Variants in CACNG2 observed in about 807,000 individuals in gnomAD.
CACNG2 encodes voltage-dependent calcium channel gamma-2 subunit.
CACNG2 carries 3 observed loss-of-function variants against 25.9 expected under a neutral mutation model. That is an observed-to-expected ratio of 0.12 (90% CI 0.05 to 0.30). The LOEUF is 0.30. Ranked by LOEUF, CACNG2 falls within the 10% of genes least tolerant of loss-of-function variation. CACNG2 has a pLI of 1.00. For missense variants in CACNG2, 341 were observed against 432.5 expected, an observed-to-expected ratio of 0.79 and a Z score of 1.88; for synonymous variants, 167 against 173.3, an observed-to-expected ratio of 0.96 and a Z score of 0.29.
At chr22:36,680,447 T>C (rs1427405462) in intron 1 of CACNG2, among the ~76,000 whole-genome samples, 2 of 142,994 alleles carry the variant, frequency 1.4e-5, no homozygotes, top group East Asian at 2.2e-4. Flanking sequence ...ATCACCACCA[T>C]CACCATCACC....
chr22:36,648,860 C>T (rs750737935), intron 1 of CACNG2, among the ~76,000 whole-genome samples: 2 of 152,156 alleles, frequency 1.3e-5, no homozygotes, highest in Non-Finnish European at 2.9e-5. Context: ...CTCCATCATC[C>T]TCATCTTAAC....
At chr22:36,695,952 G>A (rs116239871) in intron 1 of CACNG2, among the ~76,000 whole-genome samples, 3,644 of 152,268 alleles carry the variant, frequency 0.024, 129 homozygotes, top group African/African-American at 0.084. Context: ...CTATGGCTGC[G>A]AACTAACCTG....
At chr22:36,700,861 C>A (rs562161754) in intron 1 of CACNG2, among the ~76,000 whole-genome samples, 2 of 152,318 alleles carry the variant, frequency 1.3e-5, no homozygotes, top group South Asian at 4.1e-4. Flanking sequence ...GTCAAATAGA[C>A]CATCGCTCAA....
chr22:36,604,442 A>C (rs996686347), intron 1 of CACNG2, among the ~76,000 whole-genome samples: 1 of 152,246 alleles, frequency 6.6e-6, no homozygotes, highest in Non-Finnish European at 1.5e-5. Context: ...GCAACTTTGA[A>C]AGAAGTTCAA....
At chr22:36,671,516 C>T (rs1001688444) in intron 1 of CACNG2, among the ~76,000 whole-genome samples, 5 of 152,176 alleles carry the variant, frequency 3.3e-5, no homozygotes, top group African/African-American at 1.2e-4. Context: ...AATGCTCCAC[C>T]GCACAAGCCG....
At chr22:36,673,620 G>A (rs966854364) in intron 1 of CACNG2, among the ~76,000 whole-genome samples, 1 of 152,016 alleles carries the variant, frequency 6.6e-6, no homozygotes, top group African/African-American at 2.4e-5. Context: ...GGCAGTGTAT[G>A]CTGGCAGGGA....
intron 1 of CACNG2, among the ~76,000 whole-genome samples, chr22:36,641,383 G>C (rs1490381279): frequency 1.3e-5 from 2 of 152,216 alleles, no homozygotes; most frequent in Non-Finnish European, 2.9e-5. Context: ...TAGGCAGTAA[G>C]GATGAACAAT....
In CACNG2 at chr22:36,676,100, G is replaced by A. The variant is rs578129046; in HGVS notation, c.211+26266C>T. 4.0e-3 allele frequency among the ~76,000 whole-genome samples: 611 copies of A among 152,254 alleles called. 3 individuals carry two copies. The highest frequency in any genetic ancestry group is 6.5e-3 in the Non-Finnish European group (442 of 68,004). ...CCTGTGTGGTCTCGCCCCACCCCTC[G>A]TGGAGCAGGCTCCCCACAGCGCTAT... On this transcript the variant is annotated intron_variant, in intron 1 of 3. Coordinates refer to ENST00000300105, the MANE Select transcript of CACNG2 (RefSeq NM_006078.5).
At position 36,702,836 on chromosome 22, in the gene CACNG2, T is replaced by A; in HGVS notation, c.-260A>T. 1 of 251,638 alleles carries A rather than the reference T, an allele frequency of 4.0e-6. No individual in the cohort carries two copies. The highest frequency in any genetic ancestry group is 7.2e-6 in the Non-Finnish European group (1 of 138,780). 15.6% of individuals were successfully genotyped at this position (251,638 alleles called of 1,614,324 possible). ...ATCAGAAACTGTTCCAGTTGCAGTG[T>A]TTTTTTTTTAAAAAGAAAAGGAAAA... On this transcript the variant is annotated 5_prime_UTR_variant, in exon 1 of 4. Coordinates refer to ENST00000300105, the MANE Select transcript of CACNG2 (RefSeq NM_006078.5).
chr22:36,573,499 T>G (rs1935266314), intron 2 of CACNG2, among the ~76,000 whole-genome samples: 1 of 152,116 alleles, frequency 6.6e-6, no homozygotes, highest in African/African-American at 2.4e-5. Context: ...ACCTGGCTAA[T>G]TTTTGTATTT....
At chr22:36,672,458 G>A (rs1304197125) in intron 1 of CACNG2, among the ~76,000 whole-genome samples, 1 of 152,132 alleles carries the variant, frequency 6.6e-6, no homozygotes, top group African/African-American at 2.4e-5. Flanking sequence ...GAATAGGGGT[G>A]GTAGGGAAGG....
At chr22:36,628,942 T>C (rs1480968793) in intron 1 of CACNG2, among the ~76,000 whole-genome samples, 3 of 151,890 alleles carry the variant, frequency 2.0e-5, no homozygotes, top group Non-Finnish European at 4.4e-5. Flanking sequence ...AGGCACTAGA[T>C]TGAGAGGATT....
At chr22:36,679,177 CCTTCCTTCCTTCCTTCCTTCCTTTCTTT>C (rs1407922010) in intron 1 of CACNG2, among the ~76,000 whole-genome samples, 40 of 126,032 alleles carry the variant, frequency 3.2e-4, no homozygotes, top group Middle Eastern at 3.6e-3. Context: ...TTCCTTCCTT[CCTTCCTTCCTTCCTTCCTTCCTTTCTTT>C]CTTTCTTTCT....
At position 36,642,625 on chromosome 22, in the gene CACNG2, T is replaced by C. The variant is rs576626483; in HGVS notation, c.212-55077A>G. Among the ~76,000 whole-genome samples, 33 of 152,342 alleles carry C rather than the reference T, an allele frequency of 2.2e-4. 1 individual carries two copies. In the South Asian group the frequency reaches 6.8e-3, roughly 32 times the overall value. On this transcript the variant is annotated intron_variant, in intron 1 of 3. Coordinates refer to ENST00000300105, the MANE Select transcript of CACNG2 (RefSeq NM_006078.5). ...ACCACTGAGATTTCGAGATTGGTTATTTTGATCATGAGGAATTTTCCTAAC... is the reference window on the plus strand; with the variant it reads ...ACCACTGAGATTTCGAGATTGGTTACTTTGATCATGAGGAATTTTCCTAAC...
At chr22:36,609,726 A>T (rs1367457504) in intron 1 of CACNG2, among the ~76,000 whole-genome samples, 3 of 138,436 alleles carry the variant, frequency 2.2e-5, no homozygotes, top group Non-Finnish European at 4.6e-5. Context: ...AGCCCCCCAG[A>T]GCATGATTGG....
intron 1 of CACNG2, 144 bp downstream of exon 1, chr22:36,702,222 C>T: frequency 1.6e-6 from 1 of 641,834 alleles, no homozygotes; most frequent in Non-Finnish European, 2.8e-6. Context: ...TGAAACTAAC[C>T]CAACCAACCT....
At chr22:36,576,545 A>G (rs1445244920) in intron 2 of CACNG2, among the ~76,000 whole-genome samples, 5 of 151,110 alleles carry the variant, frequency 3.3e-5, no homozygotes, top group Non-Finnish European at 7.4e-5. Flanking sequence ...ATTAAAAAAA[A>G]AAACACTCCA....
At chr22:36,640,801 A>G (rs1936433468) in intron 1 of CACNG2, among the ~76,000 whole-genome samples, 1 of 152,184 alleles carries the variant, frequency 6.6e-6, no homozygotes, top group African/African-American at 2.4e-5. Flanking sequence ...TAGACCTTCC[A>G]GTGGCTCCTG....
At position 36,620,316 on chromosome 22, in the gene CACNG2, T is replaced by C. The variant is rs545115310; in HGVS notation, c.212-32768A>G. On this transcript the variant is annotated intron_variant, in intron 1 of 3. Coordinates refer to ENST00000300105, the MANE Select transcript of CACNG2 (RefSeq NM_006078.5). Reference sequence around the variant, plus strand: ...TCCTAGCATAAGAACTTAAGGCAGATGGTCCTCTGGGATGCAATTGAACGA... The same window carrying C: ...TCCTAGCATAAGAACTTAAGGCAGACGGTCCTCTGGGATGCAATTGAACGA... Among the ~76,000 whole-genome samples the C allele has an allele frequency of 2.6e-5, 4 of 152,342 alleles. No homozygotes were observed. The South Asian group carries it at 8.3e-4, about 32-fold the overall frequency.
Sources: allele counts gnomAD v4.1 joint callset (sites outside exome capture counted in the v4.1 genomes callset), GRCh38; gene constraint gnomAD v4.1.1; transcripts MANE v1.5; gene names NCBI Gene and HGNC (gene_info 2026-07-23, HGNC 2026-07-21).